The following LPCAT3 variants were observed in gnomAD, a reference collection of about 807,000 sequenced individuals.
LPCAT3 encodes lysophosphatidylcholine acyltransferase 3, also known as lysophospholipid acyltransferase 5.
A neutral mutation model predicts 63.4 loss-of-function variants in LPCAT3; 21 were observed. The ratio of observed to expected loss-of-function variants is 0.33; its 90% CI spans 0.23 to 0.48. The LOEUF (loss-of-function observed/expected upper bound fraction) is 0.48, where lower values mean the gene tolerates loss of function less well. Among genes scored for constraint, LPCAT3 ranks in the 20% least tolerant of loss-of-function variants. LPCAT3 has a pLI of 0.99. For missense variants in LPCAT3, 451 were observed against 590.6 expected (o/e 0.76, Z 2.45); for synonymous variants, 242 against 227.5 (o/e 1.06, Z -0.58).
chr12:6,977,824 T>C lies in LPCAT3; in HGVS notation c.1041-79A>G, dbSNP rs1375648719. On this transcript the variant is annotated intron_variant, in intron 9 of 12. Coordinates refer to ENST00000261407, the MANE Select transcript of LPCAT3 (RefSeq NM_005768.6). The surrounding 1 kb of genome is among the most constrained non-coding windows in gnomAD (Gnocchi z 4.5). ...GCCACCTGCCTCTGGGTCCTCACCC[T>C]GAGGATTGGATTGGAGTGCTGGTGG... 1.3e-6 allele frequency: 2 copies of C among 1,542,586 alleles called. No individual in the cohort carries two copies. Among genetic ancestry groups the C allele is most frequent in the Non-Finnish European group, 1.8e-6 (2 of 1,122,628 alleles).
intron 1 of LPCAT3, among the ~76,000 whole-genome samples, chr12:7,005,587 T>G (rs1264315216): frequency 6.6e-6 from 1 of 152,252 alleles, no homozygotes; most frequent in East Asian, 1.9e-4. Context: ...TCTCCGTATC[T>G]TCACCAACAT....
intron 1 of LPCAT3, among the ~76,000 whole-genome samples, chr12:7,004,520 G>A (rs1314764198): frequency 6.6e-6 from 1 of 152,180 alleles, no homozygotes; most frequent in African/African-American, 2.4e-5. Context: ...CAGACAGCAT[G>A]TGGGTTCAGA....
In LPCAT3 at chr12:6,977,532, A is replaced by C; in HGVS notation, c.1189-7T>G. 6.2e-7 allele frequency: 1 copy of C among 1,614,028 alleles called. No individual in the cohort carries two copies. Among genetic ancestry groups the C allele is most frequent in the Non-Finnish European group, 8.5e-7 (1 of 1,179,982 alleles). On this transcript the variant is annotated splice_region_variant and splice_polypyrimidine_tract_variant and intron_variant, in intron 10 of 12. Coordinates refer to ENST00000261407, the MANE Select transcript of LPCAT3 (RefSeq NM_005768.6). The surrounding 1 kb of genome is among the most constrained non-coding windows in gnomAD (Gnocchi z 4.5). ...CTTGAATGAGCCTGGCAGCCTGGGGAGGGAGGAGGAGCTCATCAGCATCTT... is the reference window on the plus strand; with the variant it reads ...CTTGAATGAGCCTGGCAGCCTGGGGCGGGAGGAGGAGCTCATCAGCATCTT...
chr12:6,980,793 T>C, intron 6 of LPCAT3: 2 of 400,066 alleles, frequency 5.0e-6, no homozygotes, highest in Non-Finnish European at 8.8e-6. Flanking sequence ...TGTGGATTTT[T>C]ATGTTTGTAC....
Position 6,990,547 on chromosome 12 carries a change from AAATAAATAAATAAATAAATT to A in LPCAT3, c.152-7028_152-7009del, listed in dbSNP as rs782512654. Among the ~76,000 whole-genome samples the A allele has an allele frequency of 9.5e-3, 1,415 of 148,538 alleles. 19 individuals carry two copies. Among genetic ancestry groups the A allele is most frequent in the African/African-American group, 0.033 (1,340 of 40,566 alleles). ...AAATAAAATAAATAAATAAATAAATAAATAAATAAATAAATAAATTGAGCACCCCAAACAACTTTTGTTAA... is the reference window on the plus strand; with the variant it reads ...AAATAAAATAAATAAATAAATAAATAGAGCACCCCAAACAACTTTTGTTAA... On this transcript the variant is annotated intron_variant, in intron 1 of 12. Transcript: ENST00000261407.
intron 1 of LPCAT3, among the ~76,000 whole-genome samples, chr12:7,009,554 A>G (rs1165517954): frequency 2.6e-5 from 4 of 152,268 alleles, no homozygotes; most frequent in African/African-American, 9.6e-5. Flanking sequence ...CTGCATTTCT[A>G]ACAGGCTCCC....
rs142974183 is a variant in LPCAT3 at position 6,988,709 on chromosome 12, C to A, written c.152-5170G>T. Among the ~76,000 whole-genome samples, 1,210 of 152,236 alleles carry A rather than the reference C, an allele frequency of 7.9e-3. 14 individuals carry two copies. The highest frequency in any genetic ancestry group is 0.028 in the African/African-American group (1,162 of 41,514). On this transcript the variant is annotated intron_variant, in intron 1 of 12. Coordinates refer to ENST00000261407, the MANE Select transcript of LPCAT3 (RefSeq NM_005768.6). ...CAGCATGAGACACGGTTCTGACAGC[C>A]CCACTAACATCCGAATGCAGGCCGC...
chr12:7,016,307 T>G (rs1946797393), intron 1 of LPCAT3, among the ~76,000 whole-genome samples: 1 of 151,260 alleles, frequency 6.6e-6, no homozygotes, highest in Admixed American at 6.6e-5. Context: ...GACAGAGTCT[T>G]GCTCTGTCAC....
chr12:6,978,405 T>C lies in LPCAT3; in HGVS notation c.976A>G (p.Thr326Ala). 1 of 1,614,030 alleles carries C rather than the reference T, an allele frequency of 6.2e-7. No homozygotes were observed. Among genetic ancestry groups the C allele is most frequent in the Non-Finnish European group, 8.5e-7 (1 of 1,179,990 alleles). Reference sequence around the variant, plus strand: ...ATGGTGCCAGTGAAGCGGGGGTTTGTTTCAAAGAGCCACACCTTCATGTTG... The same window carrying C: ...ATGGTGCCAGTGAAGCGGGGGTTTGCTTCAAAGAGCCACACCTTCATGTTG... ...CANMKVWLFE[T>A]NPRFTGTIAS... The change falls in exon 9 of 13, where the codon ACA (threonine) becomes GCA (alanine). Residue 326 changes from threonine (T) to alanine (A), a missense_variant. This residue lies in a region of LPCAT3 where 304 missense variants were observed against 390.8 expected (regional missense o/e 0.78). Transcript: ENST00000261407.
intron 1 of LPCAT3, among the ~76,000 whole-genome samples, chr12:6,999,671 G>A (rs1180937936): frequency 2.0e-5 from 3 of 152,188 alleles, no homozygotes; most frequent in Non-Finnish European, 4.4e-5. Context: ...AAAAGAGGCC[G>A]TTGACTCATT....
At chr12:6,992,129 G>C (rs1390740665) in intron 1 of LPCAT3, among the ~76,000 whole-genome samples, 1 of 152,002 alleles carries the variant, frequency 6.6e-6, no homozygotes, top group Non-Finnish European at 1.5e-5. Context: ...TATTTAGCCT[G>C]GGCGACAGAG....
intron 9 of LPCAT3, 168 bp downstream of exon 9, chr12:6,978,172 GT>G: frequency 2.2e-5 from 17 of 767,650 alleles, no homozygotes; most frequent in Admixed American, 2.6e-5. Context: ...GACAGTAATG[GT>G]TTTTTTGGGA....
chr12:6,990,980 TA>T (rs1348207447), intron 1 of LPCAT3, among the ~76,000 whole-genome samples: 1 of 148,870 alleles, frequency 6.7e-6, no homozygotes, highest in Non-Finnish European at 1.5e-5. Context: ...ATTAATTCAG[TA>T]AAAATATTAA....
chr12:7,005,400 C>T (rs1388316437), intron 1 of LPCAT3, among the ~76,000 whole-genome samples: 11 of 152,214 alleles, frequency 7.2e-5, no homozygotes, highest in African/African-American at 2.7e-4. Context: ...AAGCTATGAA[C>T]ATTTGTGTAC....
At chr12:6,995,771 A>T (rs964121199) in intron 1 of LPCAT3, among the ~76,000 whole-genome samples, 1 of 152,076 alleles carries the variant, frequency 6.6e-6, no homozygotes, top group Admixed American at 6.6e-5. Context: ...TGACTACTCA[A>T]CAGAGTCAGC....
In LPCAT3 at chr12:6,979,591, C is replaced by T. The variant is rs202205645; in HGVS notation, c.678-12G>A. On this transcript the variant is annotated splice_polypyrimidine_tract_variant and intron_variant, in intron 6 of 12. Transcript: ENST00000261407. ...GAGCAGGAATGATGCTGGAAAGGAACGAGTGAAGTTCCTGGTCACAGAGAG... is the reference window on the plus strand; with the variant it reads ...GAGCAGGAATGATGCTGGAAAGGAATGAGTGAAGTTCCTGGTCACAGAGAG... The T allele has an allele frequency of 5.5e-5, 87 of 1,571,666 alleles. No homozygotes were observed. The East Asian group carries it at 1.3e-3, about 24-fold the overall frequency.
chr12:6,990,258 C>T (rs965927687), intron 1 of LPCAT3, among the ~76,000 whole-genome samples: 7 of 151,270 alleles, frequency 4.6e-5, no homozygotes, highest in Non-Finnish European at 1.0e-4. Context: ...GCCTGTAATC[C>T]CAGCACTTCG....
Position 6,978,323 on chromosome 12 carries a change from T to G in LPCAT3, c.1040+18A>C. On this transcript the variant is annotated intron_variant, in intron 9 of 12. Transcript: ENST00000261407. ...GGAAGGAAGGAACCAGGGTCCAGGC[T>G]CCCCACCAGCAGCTCACCGGGCCAC... 6.3e-7 allele frequency: 1 copy of G among 1,596,334 alleles called. No homozygotes were observed.
At chr12:6,979,208 A>C (rs1946443620) in intron 7 of LPCAT3, 1 of 511,278 alleles carries the variant, frequency 2.0e-6, no homozygotes, top group East Asian at 3.4e-5. Flanking sequence ...TGGATGTGAT[A>C]AGGCAAGCTA....
Sources: gnomAD v4.1 joint callset for allele counts (sites outside exome capture counted in the v4.1 genomes callset) on GRCh38, gnomAD v4.1.1 for gene constraint, gnomAD v4.1.1 regional missense constraint, Gnocchi (gnomAD v3.1) non-coding constraint, MANE v1.5 for transcripts, NCBI Gene and HGNC (gene_info 2026-07-23, HGNC 2026-07-21) for gene names.